GSE1: variants seen among roughly 807,000 people sequenced by gnomAD.
The protein encoded by GSE1 is Gse1 coiled-coil protein.
Under a neutral mutation model 112.6 loss-of-function variants are expected in GSE1, and 32 were observed. That is an observed-to-expected ratio of 0.28 (90% confidence interval 0.21 to 0.38). GSE1 has a LOEUF of 0.38. GSE1 is among the 10% of genes least tolerant of loss of function. The pLI is 1.00. For synonymous variants in GSE1, 1,115 were observed against 735.6 expected (o/e 1.52, Z -8.35); for missense variants, 2,348 against 1,699.2 (o/e 1.38, Z -6.71).
upstream of GSE1, among the ~76,000 whole-genome samples, chr16:85,552,096 G>A (rs534859952): frequency 6.6e-6 from 1 of 151,980 alleles, no homozygotes; most frequent in Non-Finnish European, 1.5e-5. Flanking sequence ...TGCGATCTTG[G>A]CTCACTGCAA....
In GSE1 at chr16:85,233,897, C is replaced by A. The variant is rs561371908; in HGVS notation, c.2283+62090C>A. Among the ~76,000 whole-genome samples, 2 of 152,112 alleles carry A rather than the reference C, an allele frequency of 1.3e-5. 1 individual carries two copies. The highest frequency in any genetic ancestry group is 3.9e-4 in the East Asian group (2 of 5,160). On this transcript the variant is annotated intron_variant, in intron 1 of 2. Transcript: ENST00000637419. ...ACACAGGTTTGTTCTGTCCCAGGGC[C>A]CTCCTACCCCTGCCCCCTGTCCACA...
At chr16:85,634,954 G>GA (rs909629471) in intron 2 of GSE1, among the ~76,000 whole-genome samples, 2 of 147,350 alleles carry the variant, frequency 1.4e-5, no homozygotes, top group Non-Finnish European at 2.9e-5. Context: ...CTGACAGGCG[G>GA]GGGGGCTGAG....
At chr16:85,408,248 TACAC>T in intron 2 of GSE1, among the ~76,000 whole-genome samples, 1 of 2,094 alleles carries the variant, frequency 4.8e-4, no homozygotes, top group African/African-American at 3.4e-3. Flanking sequence ...TCCTCACTGT[TACAC>T]TCAGGCCCCC....
intron 1 of GSE1, among the ~76,000 whole-genome samples, chr16:85,349,854 C>T (rs2046818454): frequency 1.3e-5 from 2 of 152,230 alleles, no homozygotes; most frequent in African/African-American, 4.8e-5. Context: ...ACCAGCAGCA[C>T]AAACCTACTT....
intron 1 of GSE1, among the ~76,000 whole-genome samples, chr16:85,601,279 G>A (rs2047453606): frequency 6.6e-6 from 1 of 152,000 alleles, no homozygotes; most frequent in Admixed American, 6.6e-5. Context: ...CGTGTGAGGG[G>A]TGGGAGGGGA....
At chr16:85,348,186 C>T (rs1225848488) in intron 1 of GSE1, among the ~76,000 whole-genome samples, 1 of 152,116 alleles carries the variant, frequency 6.6e-6, no homozygotes. Flanking sequence ...ATTCACTATT[C>T]ATCTATCTGT....
chr16:85,347,871 C>G (rs1001334339), intron 1 of GSE1, among the ~76,000 whole-genome samples: 19 of 152,224 alleles, frequency 1.2e-4, no homozygotes, highest in Admixed American at 9.2e-4. Context: ...GGGGACAACC[C>G]CAGTGTCAAC....
At chr16:85,404,197 C>A (rs567542254) in intron 2 of GSE1, among the ~76,000 whole-genome samples, 3 of 102,432 alleles carry the variant, frequency 2.9e-5, no homozygotes, top group Non-Finnish European at 4.1e-5. Flanking sequence ...ACACTCAGGG[C>A]CCCCCTGGAT....
intron 2 of GSE1, among the ~76,000 whole-genome samples, chr16:85,414,888 G>A (rs887903490): frequency 3.3e-5 from 5 of 152,098 alleles, no homozygotes; most frequent in Non-Finnish European, 7.4e-5. Context: ...CACCTGCCTC[G>A]GCCTCCCAAA....
intron 13 of GSE1, among the ~76,000 whole-genome samples, chr16:85,667,913 G>A (rs1015623220): frequency 1.3e-5 from 2 of 148,908 alleles, no homozygotes; most frequent in African/African-American, 2.5e-5. Context: ...CCACGTACCA[G>A]AATCAACTAG....
chr16:85,446,240 C>T (rs1342332446), intron 2 of GSE1, among the ~76,000 whole-genome samples: 1 of 152,192 alleles, frequency 6.6e-6, no homozygotes, highest in African/African-American at 2.4e-5. Context: ...TCTGCTGTGT[C>T]CTCCACTCAT....
In GSE1 at chr16:85,333,647, C is replaced by G. The variant is rs138883053; in HGVS notation, c.2284-23816C>G. ...CAATAACATACCAGCCTCCTGGGAA[C>G]TGGCTGGGTTACAGGAGAGCAAGTC... On this transcript the variant is annotated intron_variant, in intron 1 of 2. Transcript: ENST00000637419. Among the ~76,000 whole-genome samples, 854 of 152,344 alleles carry G rather than the reference C, an allele frequency of 5.6e-3. 5 individuals carry two copies. Among genetic ancestry groups the G allele is most frequent in the Non-Finnish European group, 7.8e-3 (533 of 68,020 alleles).
At chr16:85,590,993 C>T (rs1472958881) in intron 1 of GSE1, among the ~76,000 whole-genome samples, 1 of 152,238 alleles carries the variant, frequency 6.6e-6, no homozygotes, top group Non-Finnish European at 1.5e-5. Context: ...GCTGTGTGCC[C>T]TCCTGGGGAG....
intron 15 of GSE1, 37 bp downstream of exon 15, chr16:85,671,135 A>ACCTTTTGAGTTTGGGTT: frequency 8.3e-7 from 1 of 1,203,240 alleles, no homozygotes. Context: ...CAAACACGCA[A>ACCTTTTGAGTTTGGGTT]CCTTTTGAGT....
chr16:85,308,747 C>A (rs2045748595), intron 1 of GSE1, among the ~76,000 whole-genome samples: 1 of 151,748 alleles, frequency 6.6e-6, no homozygotes, highest in Non-Finnish European at 1.5e-5. Context: ...CTGTTTCCTT[C>A]CTTTCAGTCT....
At chr16:85,651,795 C>G (rs1198065772) in intron 3 of GSE1, among the ~76,000 whole-genome samples, 1 of 152,200 alleles carries the variant, frequency 6.6e-6, no homozygotes, top group Admixed American at 6.5e-5. Context: ...TCCAGGTACC[C>G]CGGGTGCCTG....
At chr16:85,468,981 G>T (rs886990214) in intron 2 of GSE1, among the ~76,000 whole-genome samples, 2 of 152,214 alleles carry the variant, frequency 1.3e-5, no homozygotes, top group African/African-American at 2.4e-5. Flanking sequence ...GAGGCTGGGC[G>T]TGGTGGCTTA....
At chr16:85,169,608 C>T in exon 1 of GSE1, 1 of 982,846 alleles carries the variant, frequency 1.0e-6, no homozygotes, top group Non-Finnish European at 1.2e-6. Flanking sequence ...GCGCGCCGCT[C>T]TCCTGCTTCA....
At chr16:85,598,883 A>G (rs2047347744) in intron 1 of GSE1, among the ~76,000 whole-genome samples, 1 of 152,204 alleles carries the variant, frequency 6.6e-6, no homozygotes, top group African/African-American at 2.4e-5. Context: ...GTGGTCTGTG[A>G]TCAATGACAA....
Sources: gnomAD v4.1 joint callset for allele counts (sites outside exome capture counted in the v4.1 genomes callset) on GRCh38, gnomAD v4.1.1 for gene constraint, MANE v1.5 for transcripts, NCBI Gene and HGNC (gene_info 2026-07-23, HGNC 2026-07-21) for gene names.